The following MRPL19 variants were observed in gnomAD, a reference collection of about 807,000 sequenced individuals.
MRPL19 encodes the protein mitochondrial ribosomal protein L19.
MRPL19 carries 31 observed loss-of-function variants against 34.0 expected under a neutral mutation model. The observed-to-expected ratio is 0.91, with a 90% CI of 0.68 to 1.23. MRPL19 has a LOEUF of 1.23. MRPL19 is among the 50% of genes most tolerant of loss of function. The pLI, the probability that MRPL19 is intolerant of heterozygous loss-of-function variation, is 0.00. For synonymous variants in MRPL19, 152 were observed against 127.7 expected, an observed-to-expected ratio of 1.19 and a Z score of -1.28; for missense variants, 384 against 367.6, an observed-to-expected ratio of 1.04 and a Z score of -0.37.
Position 75,659,867 on chromosome 2 carries a change from A to T in MRPL19, c.*4582A>T, listed in dbSNP as rs1419639524. On this transcript the variant is annotated 3_prime_UTR_variant, in exon 6 of 6. Coordinates refer to ENST00000393909, the MANE Select transcript of MRPL19 (RefSeq NM_014763.4). The stretch of plus-strand genomic sequence containing the variant: ...CAGTGTGGGTCTCTGAGTTTATCCC[A>T]CTTAGAGTTTGTTGAGTTTCTTGGA... Among the ~76,000 whole-genome samples, 1 of 152,072 alleles carries T rather than the reference A, an allele frequency of 6.6e-6. No individual in the cohort carries two copies. The highest frequency in any genetic ancestry group is 2.4e-5 in the African/African-American group (1 of 41,424).
intron 2 of MRPL19, chr2:75,651,713 A>C (rs1199092792): frequency 3.2e-6 from 1 of 308,946 alleles, no homozygotes; most frequent in East Asian, 7.9e-5. Flanking sequence ...AATTTATTAT[A>C]GCATGTATAG....
In MRPL19 at chr2:75,654,892, C is replaced by G. The variant is rs1404687167; in HGVS notation, c.632C>G (p.Pro211Arg). Residue 211 changes from proline (P) to arginine (R), a missense_variant, in exon 5 of 6, where the codon CCT becomes CGT. Pro to Arg is a moderately radical substitution (Grantham distance 103). Transcript: ENST00000393909. Reference protein sequence around the residue: ...DVNMKPVVQEPNQKVPVNELK... With the variant: ...DVNMKPVVQERNQKVPVNELK... ...AATATGAAGCCAGTAGTACAAGAGC[C>G]TAACCAAAAAGTTCCTGTTAATGAG... 3 of 1,613,370 alleles carry G rather than the reference C, an allele frequency of 1.9e-6. No individual in the cohort carries two copies. In the South Asian group the frequency reaches 3.3e-5, roughly 18 times the overall value.
chr2:75,658,392 TCATC>T lies in MRPL19; in HGVS notation c.*3112_*3115del, dbSNP rs1466375995. ...TCCATTGTATGTATATACATTTTGT[TCATC>T]CATCTTCTGATGAACACTGGGATAT... On this transcript the variant is annotated 3_prime_UTR_variant, in exon 6 of 6. Coordinates refer to ENST00000393909, the MANE Select transcript of MRPL19 (RefSeq NM_014763.4). Among the ~76,000 whole-genome samples the T allele has an allele frequency of 3.3e-5, 5 of 152,290 alleles. No homozygotes were observed. The South Asian group carries it at 8.3e-4, about 25-fold the overall frequency.
Position 75,647,193 on chromosome 2 carries a change from G to A in MRPL19, c.195G>A (p.Lys65=), listed in dbSNP as rs768411635. 4 of 1,580,718 alleles carry A rather than the reference G, an allele frequency of 2.5e-6. No homozygotes were observed. Among genetic ancestry groups the A allele is most frequent in the Non-Finnish European group, 3.4e-6 (4 of 1,162,932 alleles). Reference sequence around the variant, plus strand: ...CGCCGAAACCGGTCATCGTGGACAAGCACCGCCCCGTGGAACCGGAACGCA... The same window carrying A: ...CGCCGAAACCGGTCATCGTGGACAAACACCGCCCCGTGGAACCGGAACGCA... ...QPPPKPVIVD[K]HRPVEPERRF... is the part of the protein sequence containing the mutation. Residue 65 remains lysine (K), a synonymous_variant, in exon 2 of 6, where the codon AAG becomes AAA. Coordinates refer to ENST00000393909, the MANE Select transcript of MRPL19 (RefSeq NM_014763.4).
rs1424875013 is a variant in MRPL19, at chr2:75,655,176, C to T, written c.770C>T (p.Ala257Val). Residue 257 changes from alanine (A) to valine (V), a missense_variant, in exon 6 of 6, where the codon GCT becomes GTT. By Grantham distance (64) the Ala-to-Val change is moderately conservative (BLOSUM62 0). Transcript: ENST00000393909. The part of the protein sequence containing the change: ...LCLTEQQMKE[A>V]QKWNQPWLEF... ...TTAACTGAACAGCAAATGAAAGAAG[C>T]TCAGAAGTGGAATCAGCCATGGCTT... The T allele has an allele frequency of 6.2e-7, 1 of 1,612,596 alleles. No individual in the cohort carries two copies. Among genetic ancestry groups the T allele is most frequent in the Admixed American group, 1.7e-5 (1 of 59,854 alleles).
rs768094286 is a variant in MRPL19, at chr2:75,647,236, G to A, written c.221+17G>A. 2 of 1,564,136 alleles carry A rather than the reference G, an allele frequency of 1.3e-6. No homozygotes were observed. The highest frequency in any genetic ancestry group is 2.4e-5 in the East Asian group (1 of 42,412). On this transcript the variant is annotated intron_variant, in intron 2 of 5. Transcript: ENST00000393909. The stretch of plus-strand genomic sequence containing the variant: ...GGAACGCAGGTGAGGCACTGCCCTG[G>A]CGCTAGGCCGGCAACTGGGGTCGGT...
intron 2 of MRPL19, among the ~76,000 whole-genome samples, chr2:75,649,148 A>C: frequency 6.6e-6 from 1 of 152,344 alleles, no homozygotes; most frequent in Middle Eastern, 3.4e-3. Flanking sequence ...GTAGGCCTTG[A>C]CTGTTCAAAA....
chr2:75,652,560 CA>C lies in MRPL19; in HGVS notation c.379del (p.Ser127ValfsTer53), dbSNP rs1389575219. 1 of 1,613,740 alleles carries C rather than the reference CA, an allele frequency of 6.2e-7. No individual in the cohort carries two copies. The highest frequency in any genetic ancestry group is 1.3e-5 in the African/African-American group (1 of 74,886). On this transcript the variant is annotated frameshift_variant, in exon 4 of 6. Coordinates refer to ENST00000393909, the MANE Select transcript of MRPL19 (RefSeq NM_014763.4). LOFTEE classifies it high-confidence loss of function. ...LRVTTADPYA[S>X]GKISQFLGIC... ...GTGTTACTACAGCTGACCCATATGC[CA>C]GTGGAAAAATCAGCCAGTTTCTGGG...
Position 75,657,137 on chromosome 2 carries a change from G to A in MRPL19, c.*1852G>A, listed in dbSNP as rs190962221. The A allele has an allele frequency of 6.6e-6, 1 of 151,246 alleles. No individual in the cohort carries two copies. Among genetic ancestry groups the A allele is most frequent in the African/African-American group, 2.4e-5 (1 of 41,264 alleles). The allele number at this position is 151,246 out of a possible 1,614,324, so 9.4% of individuals were successfully genotyped here. A position where few individuals can be genotyped will look rare whatever the true frequency, so the allele number is the denominator to read the frequency against. ...ATCTATTTCCTCCAAATTTCTTTCT[G>A]TATTTATTTTTTGTTGTCTATATTT... On this transcript the variant is annotated 3_prime_UTR_variant, in exon 6 of 6. Transcript: ENST00000393909.
In MRPL19 at chr2:75,657,243, G is replaced by A. The variant is rs1678477022; in HGVS notation, c.*1958G>A. 1 of 152,050 alleles carries A rather than the reference G, an allele frequency of 6.6e-6. No homozygotes were observed. The highest frequency in any genetic ancestry group is 1.5e-5 in the Non-Finnish European group (1 of 67,998). The allele number at this position is 152,050 out of a possible 1,614,324, so 9.4% of individuals were successfully genotyped here. On this transcript the variant is annotated 3_prime_UTR_variant, in exon 6 of 6. Coordinates refer to ENST00000393909, the MANE Select transcript of MRPL19 (RefSeq NM_014763.4). ...GGACTAAAAAGCTTGGAAAGCCTTT[G>A]GGTTGTGGGAAGGGGCTGTCTTTAG...
Position 75,647,098 on chromosome 2 carries a change from G to A in MRPL19, c.104-4G>A, listed in dbSNP as rs765395227. ...GTTCTGACCTCCGTCGTCCGCTCCC[G>A]CAGGGGTCCACGCGGGGCCTGTCCG... On this transcript the variant is annotated splice_region_variant and splice_polypyrimidine_tract_variant and intron_variant, in intron 1 of 5. Transcript: ENST00000393909. 2 of 1,580,336 alleles carry A rather than the reference G, an allele frequency of 1.3e-6. No homozygotes were observed. Among genetic ancestry groups the A allele is most frequent in the East Asian group, 2.3e-5 (1 of 43,562 alleles).
rs1678431527 is a variant in MRPL19, at chr2:75,655,604, A to G, written c.*319A>G. On this transcript the variant is annotated 3_prime_UTR_variant, in exon 6 of 6. Coordinates refer to ENST00000393909, the MANE Select transcript of MRPL19 (RefSeq NM_014763.4). ...ATAGGTGGGATGAATTTTTTTTTTA[A>G]TTGTGAAACAATTCATAAGCACAAT... The G allele has an allele frequency of 5.1e-6, 1 of 197,590 alleles. No individual in the cohort carries two copies. Among genetic ancestry groups the G allele is most frequent in the Non-Finnish European group, 1.0e-5 (1 of 98,254 alleles). The allele number at this position is 197,590 out of a possible 1,614,324, so 12.2% of individuals were successfully genotyped here. A position where few individuals can be genotyped will look rare whatever the true frequency, so the allele number is the denominator to read the frequency against.
chr2:75,647,358 C>T (rs1002003319), intron 2 of MRPL19, 139 bp downstream of exon 2: 7 of 738,610 alleles, frequency 9.5e-6, no homozygotes, highest in African/African-American at 9.1e-5. Context: ...AGAGCCAGCG[C>T]ACCACACTGT....
At position 75,658,643 on chromosome 2, in the gene MRPL19, C is replaced by G. The variant is rs1439720568; in HGVS notation, c.*3358C>G. Among the ~76,000 whole-genome samples the G allele has an allele frequency of 2.6e-5, 4 of 152,020 alleles. No individual in the cohort carries two copies. The highest frequency in any genetic ancestry group is 4.8e-5 in the African/African-American group (2 of 41,406). The stretch of plus-strand genomic sequence containing the variant: ...CCCACTGTTTTTTTGTTATTGATTT[C>G]CAAGTTCATTCCATTGTGATTAGAG... On this transcript the variant is annotated 3_prime_UTR_variant, in exon 6 of 6. Coordinates refer to ENST00000393909, the MANE Select transcript of MRPL19 (RefSeq NM_014763.4).
intron 2 of MRPL19, among the ~76,000 whole-genome samples, chr2:75,649,482 G>C (rs116701144): frequency 1.3e-5 from 2 of 151,920 alleles, no homozygotes; most frequent in Admixed American, 6.6e-5. Flanking sequence ...AATTCCTCCA[G>C]TGTGTCCCAG....
chr2:75,654,076 G>C (rs183391411), intron 4 of MRPL19, among the ~76,000 whole-genome samples: 29 of 152,222 alleles, frequency 1.9e-4, no homozygotes, highest in Admixed American at 1.7e-3. Context: ...AATTTAGAAA[G>C]AACAGAAATT....
chr2:75,651,122 G>A (rs1678322896), intron 2 of MRPL19, among the ~76,000 whole-genome samples: 1 of 152,200 alleles, frequency 6.6e-6, no homozygotes. Flanking sequence ...ATTGGCATTT[G>A]ACCTAGAGTC....
At position 75,647,400 on chromosome 2, in the gene MRPL19, T is replaced by A. The variant is rs768737613; in HGVS notation, c.221+181T>A. 4 of 594,130 alleles carry A rather than the reference T, an allele frequency of 6.7e-6. No homozygotes were observed. The Admixed American group carries it at 1.4e-4, about 20-fold the overall frequency. 36.8% of individuals were successfully genotyped at this position (594,130 alleles called of 1,614,324 possible). ...TTTCTCACTTCTCCCCAAGCCAGCA[T>A]TGAACTTCTTTGCAGTTTTATTGAG... On this transcript the variant is annotated intron_variant, in intron 2 of 5. Coordinates refer to ENST00000393909, the MANE Select transcript of MRPL19 (RefSeq NM_014763.4).
intron 2 of MRPL19, chr2:75,651,408 C>T: frequency 1.3e-5 from 7 of 537,624 alleles, no homozygotes; most frequent in South Asian, 9.7e-5. Context: ...TGACTCGCTG[C>T]CACTTGGAGA....
Sources: gnomAD v4.1 joint callset for allele counts (sites outside exome capture counted in the v4.1 genomes callset) on GRCh38, gnomAD v4.1.1 for gene constraint, MANE v1.5 for transcripts, NCBI Gene and HGNC (gene_info 2026-07-23, HGNC 2026-07-21) for gene names.